The following ARB2A variants were observed in gnomAD, a reference collection of about 807,000 sequenced individuals.
The protein encoded by ARB2A is cotranscriptional regulator ARB2A.
At chr5:93,663,429 G>A in the ARB2A span, among the ~76,000 whole-genome samples, 1 of 152,132 alleles carries the variant, frequency 6.6e-6, no homozygotes, top group Non-Finnish European at 1.5e-5. Flanking sequence ...GCTAAACTTG[G>A]TAAATTATTT....
At chr5:94,034,338 G>A in the ARB2A span, among the ~76,000 whole-genome samples, 5 of 152,078 alleles carry the variant, frequency 3.3e-5, no homozygotes, top group African/African-American at 1.2e-4. Context: ...AACATGTTTA[G>A]AGGTATATCT....
At chr5:94,091,434 T>C in the ARB2A span, among the ~76,000 whole-genome samples, 3 of 152,150 alleles carry the variant, frequency 2.0e-5, no homozygotes, top group Non-Finnish European at 2.9e-5. Flanking sequence ...TTGAAGAAAG[T>C]AGTTAAAGAC....
chr5:94,007,704 G>A, the ARB2A span, among the ~76,000 whole-genome samples: 1 of 151,988 alleles, frequency 6.6e-6, no homozygotes, highest in East Asian at 1.9e-4. Context: ...GAACCTGGGA[G>A]GCGGAGGTTG....
At chr5:93,635,176 C>A in the ARB2A span, among the ~76,000 whole-genome samples, 1 of 152,278 alleles carries the variant, frequency 6.6e-6, no homozygotes, top group South Asian at 2.1e-4. Flanking sequence ...TCCCTAAGTA[C>A]AAGTTTCTGA....
chr5:93,740,554 C>G, the ARB2A span: 14 of 1,567,740 alleles, frequency 8.9e-6, 1 homozygote, highest in Middle Eastern at 1.7e-4. Context: ...CCAACCGTGC[C>G]GTGAAGGGCA....
the ARB2A span, among the ~76,000 whole-genome samples, chr5:93,948,161 C>T: frequency 1.5e-4 from 23 of 152,150 alleles, no homozygotes; most frequent in Admixed American, 1.4e-3. Context: ...TCTCCACATC[C>T]TCTCCAGCAC....
chr5:93,874,684 C>A, the ARB2A span, among the ~76,000 whole-genome samples: 14 of 152,246 alleles, frequency 9.2e-5, no homozygotes, highest in Admixed American at 9.2e-4. Context: ...TTCAGTTGGT[C>A]AGAAGTATGA....
At chr5:93,926,366 C>A in the ARB2A span, among the ~76,000 whole-genome samples, 6 of 151,954 alleles carry the variant, frequency 3.9e-5, no homozygotes, top group African/African-American at 1.5e-4. Context: ...CTCCTGACCT[C>A]AGGTGATCTG....
chr5:94,047,796 T>C, the ARB2A span, among the ~76,000 whole-genome samples: 3 of 152,158 alleles, frequency 2.0e-5, no homozygotes, highest in Non-Finnish European at 2.9e-5. Context: ...GAGTTTAACA[T>C]AGATGATGTT....
At chr5:93,766,772 A>G in the ARB2A span, among the ~76,000 whole-genome samples, 1 of 152,268 alleles carries the variant, frequency 6.6e-6, no homozygotes, top group East Asian at 1.9e-4. Flanking sequence ...CACAATAGCA[A>G]AGACTTGGAA....
chr5:93,762,558 A>ACCAAAT, the ARB2A span, among the ~76,000 whole-genome samples: 1 of 152,232 alleles, frequency 6.6e-6, no homozygotes, highest in Non-Finnish European at 1.5e-5. Context: ...ATGTGAAAAG[A>ACCAAAT]CCAAATCTAT....
chr5:93,721,222 G>C, the ARB2A span, among the ~76,000 whole-genome samples: 3 of 152,148 alleles, frequency 2.0e-5, no homozygotes, highest in African/African-American at 4.8e-5. Flanking sequence ...ATTGCTGTCA[G>C]GGTGAAGCGG....
the ARB2A span, among the ~76,000 whole-genome samples, chr5:93,844,068 C>T: frequency 2.8e-5 from 4 of 144,992 alleles, no homozygotes; most frequent in African/African-American, 1.0e-4. Flanking sequence ...GGATTCAGAA[C>T]AATTTCGGAC....
the ARB2A span, among the ~76,000 whole-genome samples, chr5:93,937,966 A>G: frequency 9.8e-5 from 15 of 152,286 alleles, no homozygotes; most frequent in South Asian, 1.5e-3. Flanking sequence ...TTTTTTGAGT[A>G]TTTTGAACCT....
the ARB2A span, among the ~76,000 whole-genome samples, chr5:93,816,537 CAG>C: frequency 6.6e-6 from 1 of 152,138 alleles, no homozygotes; most frequent in Admixed American, 6.5e-5. Flanking sequence ...AATCAGGAGA[CAG>C]AGTGACCAAT....
At chr5:93,695,824 GC>G in the ARB2A span, among the ~76,000 whole-genome samples, 1 of 152,142 alleles carries the variant, frequency 6.6e-6, no homozygotes, top group Non-Finnish European at 1.5e-5. Context: ...AGAAAATGTG[GC>G]ACATATACAC....
chr5:93,757,941 A>C, the ARB2A span, among the ~76,000 whole-genome samples: 1 of 152,164 alleles, frequency 6.6e-6, no homozygotes, highest in Non-Finnish European at 1.5e-5. Context: ...CCACTTAAAA[A>C]ATACAGAACC....
chr5:93,794,761 G>A, the ARB2A span, among the ~76,000 whole-genome samples: 8 of 48,038 alleles, frequency 1.7e-4, no homozygotes, highest in African/African-American at 3.9e-4. Flanking sequence ...CCTGTGATGT[G>A]ATCCATCTTC....
the ARB2A span, among the ~76,000 whole-genome samples, chr5:94,104,794 A>G: frequency 2.6e-5 from 4 of 152,068 alleles, no homozygotes; most frequent in Non-Finnish European, 4.4e-5. Context: ...TCAAAAACCT[A>G]ATCTACCATG....
Sources: allele counts gnomAD v4.1 joint callset (sites outside exome capture counted in the v4.1 genomes callset), GRCh38; gene constraint gnomAD v4.1.1; transcripts MANE v1.5; gene names NCBI Gene and HGNC (gene_info 2026-07-23, HGNC 2026-07-21).